HS3ST4: variants seen among roughly 807,000 people sequenced by gnomAD.
HS3ST4 encodes the protein heparan sulfate glucosamine 3-O-sulfotransferase 4.
Under a neutral mutation model 29.2 loss-of-function variants are expected in HS3ST4, and 17 were observed. That is an observed-to-expected ratio of 0.58 (90% confidence interval 0.40 to 0.87). The LOEUF is 0.87. HS3ST4 is among the 40% of genes least tolerant of loss of function. The pLI is 0.00. For synonymous variants in HS3ST4, 314 were observed against 285.7 expected, an observed-to-expected ratio of 1.10 and a Z score of -1.00; for missense variants, 627 against 634.5, an observed-to-expected ratio of 0.99 and a Z score of 0.13.
intron 1 of HS3ST4, among the ~76,000 whole-genome samples, chr16:26,007,816 G>C (rs1177212048): frequency 6.6e-6 from 1 of 152,120 alleles, no homozygotes; most frequent in African/African-American, 2.4e-5. Context: ...AAGGGAAGCT[G>C]CTTCACCATA....
chr16:26,081,256 C>T (rs976583889), intron 1 of HS3ST4, among the ~76,000 whole-genome samples: 15 of 148,722 alleles, frequency 1.0e-4, no homozygotes, highest in African/African-American at 3.0e-4. Flanking sequence ...CACTGCACTC[C>T]GGCCTGGGCA....
chr16:25,758,235 T>C (rs933441717), intron 1 of HS3ST4, among the ~76,000 whole-genome samples: 2 of 152,194 alleles, frequency 1.3e-5, no homozygotes, highest in African/African-American at 4.8e-5. Flanking sequence ...GCTCTAACCC[T>C]TATATCATTC....
At chr16:25,853,060 C>T (rs1967537743) in intron 1 of HS3ST4, among the ~76,000 whole-genome samples, 1 of 151,912 alleles carries the variant, frequency 6.6e-6, no homozygotes, top group South Asian at 2.1e-4. Flanking sequence ...AGCTGATTAA[C>T]CTGTTTTCCC....
chr16:26,051,029 TA>T (rs1898335947), intron 1 of HS3ST4, among the ~76,000 whole-genome samples: 1 of 152,096 alleles, frequency 6.6e-6, no homozygotes, highest in Non-Finnish European at 1.5e-5. Flanking sequence ...GCATTGAGTT[TA>T]AGGAGACTGG....
intron 1 of HS3ST4, among the ~76,000 whole-genome samples, chr16:25,780,796 C>A (rs1424507162): frequency 6.6e-6 from 1 of 152,166 alleles, no homozygotes; most frequent in African/African-American, 2.4e-5. Context: ...AGACATTTAA[C>A]CACTAGGTTA....
chr16:25,706,869 G>C (rs1423985380), intron 1 of HS3ST4, among the ~76,000 whole-genome samples: 1 of 152,178 alleles, frequency 6.6e-6, no homozygotes, highest in Non-Finnish European at 1.5e-5. Flanking sequence ...CTTATCCGCA[G>C]TTTCACTTTC....
chr16:25,960,955 A>G (rs1247335980), intron 1 of HS3ST4, among the ~76,000 whole-genome samples: 1 of 152,214 alleles, frequency 6.6e-6, no homozygotes, highest in Non-Finnish European at 1.5e-5. Flanking sequence ...AGAACCTCAG[A>G]GAATTAAGCT....
At chr16:26,040,123 A>G (rs1969622258) in intron 1 of HS3ST4, among the ~76,000 whole-genome samples, 1 of 152,076 alleles carries the variant, frequency 6.6e-6, no homozygotes, top group Non-Finnish European at 1.5e-5. Context: ...CTGTCTGCAT[A>G]TTTACTGGGA....
chr16:26,008,686 G>A (rs1224993872), intron 1 of HS3ST4, among the ~76,000 whole-genome samples: 1 of 152,084 alleles, frequency 6.6e-6, no homozygotes, highest in Non-Finnish European at 1.5e-5. Flanking sequence ...AGGTGTGGTG[G>A]TGCCTGCCTG....
chr16:25,766,331 T>C (rs1966819013), intron 1 of HS3ST4, among the ~76,000 whole-genome samples: 1 of 152,058 alleles, frequency 6.6e-6, no homozygotes, highest in South Asian at 2.1e-4. Context: ...GGCCAATCAG[T>C]ACAGAAGGAA....
intron 1 of HS3ST4, among the ~76,000 whole-genome samples, chr16:25,894,358 A>G (rs975474093): frequency 6.6e-6 from 1 of 152,304 alleles, no homozygotes; most frequent in Non-Finnish European, 1.5e-5. Flanking sequence ...TCAATAAATC[A>G]TTGATGTTGT....
chr16:25,746,290 C>A (rs1966684687), intron 1 of HS3ST4, among the ~76,000 whole-genome samples: 2 of 152,278 alleles, frequency 1.3e-5, no homozygotes, highest in African/African-American at 4.8e-5. Context: ...GGTGATGGAT[C>A]AGCCAGGGAA....
chr16:26,133,430 G>T (rs192691990), intron 1 of HS3ST4, among the ~76,000 whole-genome samples: 1 of 152,162 alleles, frequency 6.6e-6, no homozygotes, highest in African/African-American at 2.4e-5. Context: ...CCTTAGCCCT[G>T]TTCCTCCAAA....
chr16:25,817,585 G>A lies in HS3ST4; in HGVS notation c.734+124434G>A, dbSNP rs1414995633. Among the ~76,000 whole-genome samples the A allele has an allele frequency of 2.0e-5, 3 of 152,148 alleles. No homozygotes were observed. In the East Asian group the frequency reaches 5.8e-4, roughly 29 times the overall value. On this transcript the variant is annotated intron_variant, in intron 1 of 1. Coordinates refer to ENST00000331351, the MANE Select transcript of HS3ST4 (RefSeq NM_006040.3). Reference sequence around the variant, plus strand: ...TAAAGGATCAGATAACAAGATGGATGGTACCCAGAAGAGAGAAAGTATAAC... The same window carrying A: ...TAAAGGATCAGATAACAAGATGGATAGTACCCAGAAGAGAGAAAGTATAAC...
chr16:25,995,340 C>A (rs1596638955), intron 1 of HS3ST4, among the ~76,000 whole-genome samples: 1 of 152,190 alleles, frequency 6.6e-6, no homozygotes, highest in African/African-American at 2.4e-5. Flanking sequence ...TATCTAGGGA[C>A]TCAACCTATG....
At chr16:25,827,235 A>C (rs1267036236) in intron 1 of HS3ST4, among the ~76,000 whole-genome samples, 1 of 152,118 alleles carries the variant, frequency 6.6e-6, no homozygotes, top group Non-Finnish European at 1.5e-5. Flanking sequence ...AGAAAGCCAC[A>C]CGGTCCTACA....
At chr16:25,866,450 A>G (rs893581318) in intron 1 of HS3ST4, among the ~76,000 whole-genome samples, 1 of 152,226 alleles carries the variant, frequency 6.6e-6, no homozygotes, top group East Asian at 1.9e-4. Flanking sequence ...TGTGGTACAT[A>G]TACACTATGG....
chr16:25,856,582 A>G (rs920533170), intron 1 of HS3ST4, among the ~76,000 whole-genome samples: 1 of 152,204 alleles, frequency 6.6e-6, no homozygotes, highest in African/African-American at 2.4e-5. Context: ...CTGGGCCACA[A>G]TGGAAGAAGA....
chr16:26,129,100 G>A (rs116465836), intron 1 of HS3ST4, among the ~76,000 whole-genome samples: 2,588 of 152,164 alleles, frequency 0.017, 67 homozygotes, highest in African/African-American at 0.058. Context: ...TTTCTCCTTC[G>A]ACATTCATGA....
Sources: gnomAD v4.1 joint callset for allele counts (sites outside exome capture counted in the v4.1 genomes callset) on GRCh38, gnomAD v4.1.1 for gene constraint, MANE v1.5 for transcripts, NCBI Gene and HGNC (gene_info 2026-07-23, HGNC 2026-07-21) for gene names.